CNOT10: variants seen among roughly 807,000 people sequenced by gnomAD.
CNOT10 encodes the protein CCR4-NOT transcription complex subunit 10, also known as CCR4-NOT transcription complex, subunit 10.
Under a neutral mutation model 94.6 loss-of-function variants are expected in CNOT10, and 30 were observed. That is an observed-to-expected ratio of 0.32 (90% CI 0.24 to 0.43). The LOEUF (loss-of-function observed/expected upper bound fraction) is 0.43, where lower values mean the gene tolerates loss of function less well. Ranked by LOEUF, CNOT10 falls within the 20% of genes least tolerant of loss-of-function variation. The probability of loss-of-function intolerance (pLI) is 1.00; values close to 1 mark genes in which losing one functional copy is unlikely to be tolerated. For synonymous variants in CNOT10, 289 were observed against 301.6 expected (o/e 0.96, Z 0.43); for missense variants, 759 against 877.2 (o/e 0.87, Z 1.70).
chr3:32,772,956 C>T (rs988832044), intron 18 of CNOT10, among the ~76,000 whole-genome samples: 4 of 152,168 alleles, frequency 2.6e-5, no homozygotes, highest in African/African-American at 9.7e-5. Flanking sequence ...GCCTTGACCT[C>T]CCAGGTTCAA....
intron 1 of CNOT10, among the ~76,000 whole-genome samples, chr3:32,696,725 A>G (rs1697087209): frequency 6.6e-6 from 1 of 151,830 alleles, no homozygotes; most frequent in Non-Finnish European, 1.5e-5. Context: ...CAGCCTCCCA[A>G]GTAGCAGGAC....
Position 32,703,793 on chromosome 3 carries a change from A to G in CNOT10, c.23-75A>G, listed in dbSNP as rs868428560. 8 of 989,738 alleles carry G rather than the reference A, an allele frequency of 8.1e-6. No homozygotes were observed. In the African/African-American group the frequency reaches 9.8e-5, roughly 12 times the overall value. The allele number at this position is 989,738 out of a possible 1,614,324, so 61.3% of individuals were successfully genotyped here. A position where few individuals can be genotyped will look rare whatever the true frequency, so the allele number is the denominator to read the frequency against. On this transcript the variant is annotated intron_variant, in intron 1 of 18. Coordinates refer to ENST00000328834, the MANE Select transcript of CNOT10 (RefSeq NM_015442.3). ...TGACCTTGGGTAACTGAAACTGCAGAAAGTGAAACTGGATAAGGAGGGACC... is the reference window on the plus strand; with the variant it reads ...TGACCTTGGGTAACTGAAACTGCAGGAAGTGAAACTGGATAAGGAGGGACC...
chr3:32,715,962 A>G (rs1021157742), intron 5 of CNOT10: 5 of 280,694 alleles, frequency 1.8e-5, no homozygotes, highest in Non-Finnish European at 2.7e-5. Context: ...CATGGCCACC[A>G]TGCCCAGCTA....
intron 9 of CNOT10, among the ~76,000 whole-genome samples, chr3:32,726,644 C>T (rs1253689684): frequency 1.3e-5 from 2 of 150,582 alleles, no homozygotes; most frequent in South Asian, 2.1e-4. Flanking sequence ...TGCCGTGAGC[C>T]GAGATCATGC....
In CNOT10 at chr3:32,697,551, G is replaced by A. The variant is rs370134380; in HGVS notation, c.23-6317G>A. On this transcript the variant is annotated intron_variant, in intron 1 of 18. Transcript: ENST00000328834. ...AGTGGCATGGTCACGGCTCACTGCAGCCTCAACCTCCCAGGCTTCAACGAT... is the reference window on the plus strand; with the variant it reads ...AGTGGCATGGTCACGGCTCACTGCAACCTCAACCTCCCAGGCTTCAACGAT... 1.9e-4 allele frequency among the ~76,000 whole-genome samples: 29 copies of A among 152,208 alleles called. No individual in the cohort carries two copies. The East Asian group carries it at 4.4e-3, about 23-fold the overall frequency.
chr3:32,690,610 G>A (rs1008421794), intron 1 of CNOT10, among the ~76,000 whole-genome samples: 10 of 151,436 alleles, frequency 6.6e-5, no homozygotes, highest in Non-Finnish European at 1.0e-4. Context: ...GCAGTGGTGC[G>A]ATCTTGGCTC....
At chr3:32,701,784 T>C (rs1474799844) in intron 1 of CNOT10, among the ~76,000 whole-genome samples, 1 of 152,032 alleles carries the variant, frequency 6.6e-6, no homozygotes, top group Non-Finnish European at 1.5e-5. Context: ...GCCCAGTCTC[T>C]GATAGTTGTT....
intron 1 of CNOT10, among the ~76,000 whole-genome samples, chr3:32,693,104 A>G (rs946540378): frequency 6.6e-5 from 10 of 152,240 alleles, no homozygotes; most frequent in Non-Finnish European, 8.8e-5. Context: ...CCAGAAAGCC[A>G]TGTTAAATGC....
chr3:32,728,877 GAT>G (rs1431380898), intron 10 of CNOT10, among the ~76,000 whole-genome samples: 1 of 152,106 alleles, frequency 6.6e-6, no homozygotes, highest in Non-Finnish European at 1.5e-5. Context: ...GAGGCGGGTG[GAT>G]CACGAGGTCA....
At chr3:32,750,700 C>T (rs1699926523) in intron 13 of CNOT10, among the ~76,000 whole-genome samples, 1 of 151,930 alleles carries the variant, frequency 6.6e-6, no homozygotes, top group Non-Finnish European at 1.5e-5. Context: ...TATAGGCATG[C>T]ACCACCAGGC....
chr3:32,713,663 C>G (rs1697986533), intron 5 of CNOT10, among the ~76,000 whole-genome samples: 1 of 152,162 alleles, frequency 6.6e-6, no homozygotes, highest in Non-Finnish European at 1.5e-5. Context: ...CCCCATTTCC[C>G]CCTTTCCTCA....
intron 17 of CNOT10, among the ~76,000 whole-genome samples, chr3:32,767,471 A>G (rs958721213): frequency 1.4e-5 from 2 of 146,110 alleles, no homozygotes; most frequent in Non-Finnish European, 3.0e-5. Flanking sequence ...GTGAGCCGAG[A>G]TCGCGCCATT....
intron 8 of CNOT10, 136 bp from the exon 9 acceptor site, chr3:32,725,314 A>T (rs1575245641): frequency 3.2e-6 from 2 of 617,544 alleles, no homozygotes; most frequent in East Asian, 5.9e-5. Context: ...TAAATTTCAA[A>T]TGCCTTGTGA....
In CNOT10 at chr3:32,762,617, A is replaced by G. The variant is rs190575172; in HGVS notation, c.1710-116A>G. The G allele has an allele frequency of 1.9e-4, 199 of 1,067,654 alleles. 2 individuals are homozygous for G. The African/African-American group carries it at 2.9e-3, about 15-fold the overall frequency. The allele number at this position is 1,067,654 out of a possible 1,614,324, so 66.1% of individuals were successfully genotyped here. On this transcript the variant is annotated intron_variant, in intron 14 of 18. Transcript: ENST00000328834. ...TAAATTTAGATTTCAATTTAAGGAC[A>G]TGAAATATGAGACCTATATCCAATG...
intron 13 of CNOT10, among the ~76,000 whole-genome samples, chr3:32,746,286 C>T (rs1344979114): frequency 5.9e-5 from 9 of 152,082 alleles, no homozygotes; most frequent in Admixed American, 5.9e-4. Flanking sequence ...GACAGGGTTG[C>T]AGGGGAGGTG....
At chr3:32,717,597 G>T (rs1482788283) in intron 7 of CNOT10, among the ~76,000 whole-genome samples, 1 of 152,112 alleles carries the variant, frequency 6.6e-6, no homozygotes, top group Non-Finnish European at 1.5e-5. Context: ...TGGCCAGGTG[G>T]TGACTCACCT....
rs1697042964 is a variant in CNOT10, at chr3:32,695,975, G to A, written c.23-7893G>A. On this transcript the variant is annotated intron_variant, in intron 1 of 18. Transcript: ENST00000328834. The stretch of plus-strand genomic sequence containing the variant: ...AATAATCCTGTTGAAGAGAGTGTGT[G>A]TGTGTGTGTGTGTGTGTGTGTGTGT... 4 of 264,828 alleles carry A rather than the reference G, an allele frequency of 1.5e-5. No individual in the cohort carries two copies. In the East Asian group the frequency reaches 2.4e-4, roughly 16 times the overall value. 16.4% of individuals were successfully genotyped at this position (264,828 alleles called of 1,614,324 possible). A position where few individuals can be genotyped will look rare whatever the true frequency, so the allele number is the denominator to read the frequency against.
At chr3:32,705,132 TA>T (rs1302263560) in intron 3 of CNOT10, among the ~76,000 whole-genome samples, 160 bp downstream of exon 3, 1 of 152,172 alleles carries the variant, frequency 6.6e-6, no homozygotes, top group Non-Finnish European at 1.5e-5. Context: ...TTCCAGGAGA[TA>T]AAAGGTATGT....
Position 32,704,973 on chromosome 3 carries a change from G to A in CNOT10, c.279+1G>A, listed in dbSNP as rs1367727856. On this transcript the variant is annotated splice_donor_variant, in intron 3 of 18. Transcript: ENST00000328834. LOFTEE classifies it high-confidence loss of function. ...AACACTTAACCAGCTGAAGAATCAG[G>A]TGATACATAAATGAATTTAACTATA... is the stretch of plus-strand genomic sequence containing the variant. 2 of 1,508,486 alleles carry A rather than the reference G, an allele frequency of 1.3e-6. No individual in the cohort carries two copies. The highest frequency in any genetic ancestry group is 1.3e-5 in the South Asian group (1 of 75,322). 93.4% of individuals were successfully genotyped at this position (1,508,486 alleles called of 1,614,324 possible). A position where few individuals can be genotyped will look rare whatever the true frequency, so the allele number is the denominator to read the frequency against.
Sources: gnomAD v4.1 joint callset for allele counts (sites outside exome capture counted in the v4.1 genomes callset) on GRCh38, gnomAD v4.1.1 for gene constraint, MANE v1.5 for transcripts, NCBI Gene and HGNC (gene_info 2026-07-23, HGNC 2026-07-21) for gene names.